PCDH19: variants seen among roughly 807,000 people sequenced by gnomAD.
PCDH19 encodes protocadherin 19, also known as protocadherin-19.
A neutral mutation model predicts 46.2 loss-of-function variants in PCDH19; 6 were observed. The ratio of observed to expected loss-of-function variants is 0.13; its 90% CI spans 0.07 to 0.26. The LOEUF (loss-of-function observed/expected upper bound fraction) is 0.26, where lower values mean the gene tolerates loss of function less well. Among genes scored for constraint, PCDH19 ranks in the 10% least tolerant of loss-of-function variants. The probability of loss-of-function intolerance (pLI) is 1.00; values close to 1 mark genes in which losing one functional copy is unlikely to be tolerated. For missense variants in PCDH19, 740 were observed against 972.3 expected (o/e 0.76, Z 3.18); for synonymous variants, 481 against 415.7 (o/e 1.16, Z -1.91).
intron 3 of PCDH19, among the ~76,000 whole-genome samples, chrX:100,383,443 A>G (rs1331275857): frequency 8.9e-6 from 1 of 112,371 alleles, no homozygotes; most frequent in Admixed American, 9.5e-5. Flanking sequence ...GAGCTCTCGT[A>G]TGTACTCTGC....
At chrX:100,387,080 T>G (rs1484808505) in intron 3 of PCDH19, among the ~76,000 whole-genome samples, 4 of 111,632 alleles carry the variant, frequency 3.6e-5, no homozygotes, top group Non-Finnish European at 7.5e-5. Flanking sequence ...GAATTTTCTT[T>G]ACAATATCTA....
chrX:100,353,121 A>G (rs1218028967), intron 3 of PCDH19, among the ~76,000 whole-genome samples: 1 of 111,957 alleles, frequency 8.9e-6, no homozygotes, highest in Admixed American at 9.5e-5. Context: ...TTTATACAGA[A>G]CCTGCAACTA....
At position 100,291,657 on chromosome X, in the gene PCDH19, A is replaced by G. The variant is rs993933941; in HGVS notation, c.*4620T>C. ...CCAAACACTCAATACTTTTTCCATA[A>G]TAGCCTTTAATACTAAAATGCATTA... On this transcript the variant is annotated 3_prime_UTR_variant, in exon 6 of 6. Coordinates refer to ENST00000373034, the MANE Select transcript of PCDH19 (RefSeq NM_001184880.2). The G allele has an allele frequency of 8.9e-6, 1 of 112,689 alleles. No homozygotes were observed. Among genetic ancestry groups the G allele is most frequent in the African/African-American group, 3.2e-5 (1 of 30,920 alleles). 9.3% of individuals were successfully genotyped at this position (112,689 alleles called of 1,213,427 possible).
At position 100,402,406 on chromosome X, in the gene PCDH19, A is replaced by G. The variant is rs1363024992; in HGVS notation, c.2616+118T>C. The G allele has an allele frequency of 4.8e-6, 3 of 621,458 alleles. No homozygotes were observed. In the African/African-American group the frequency reaches 6.6e-5, roughly 14 times the overall value. 51.2% of individuals were successfully genotyped at this position (621,458 alleles called of 1,213,427 possible). On this transcript the variant is annotated intron_variant, in intron 3 of 5. Coordinates refer to ENST00000373034, the MANE Select transcript of PCDH19 (RefSeq NM_001184880.2). ...CCTTAGTATGAAAATGGGCATAAGC[A>G]GAGAAATTCTCCCCACCCCTGCCAG... is the stretch of plus-strand genomic sequence containing the variant.
intron 3 of PCDH19, among the ~76,000 whole-genome samples, chrX:100,382,211 A>G (rs1927574650): frequency 9.0e-6 from 1 of 111,280 alleles, no homozygotes; most frequent in African/African-American, 3.3e-5. Context: ...CAGATAACCA[A>G]GCTTTTGTTC....
intron 5 of PCDH19, among the ~76,000 whole-genome samples, chrX:100,337,490 G>A (rs1373819207): frequency 1.8e-5 from 2 of 112,366 alleles, no homozygotes; most frequent in African/African-American, 3.2e-5. Context: ...AAACTGAAAC[G>A]TATTAATTCA....
At chrX:100,368,627 CAACT>C (rs1246192883) in intron 3 of PCDH19, among the ~76,000 whole-genome samples, 3 of 111,366 alleles carry the variant, frequency 2.7e-5, no homozygotes, top group East Asian at 2.8e-4. Flanking sequence ...TGTCTCTCAC[CAACT>C]AACTGTGTGC....
intron 5 of PCDH19, among the ~76,000 whole-genome samples, chrX:100,315,307 C>G (rs1162286766): frequency 8.9e-6 from 1 of 112,263 alleles, no homozygotes; most frequent in Admixed American, 9.4e-5. Context: ...TTAACATGTA[C>G]TATAAAAGAA....
At chrX:100,310,705 A>G (rs1031201937) in intron 5 of PCDH19, among the ~76,000 whole-genome samples, 2 of 109,869 alleles carry the variant, frequency 1.8e-5, no homozygotes, top group African/African-American at 6.6e-5. Flanking sequence ...TTAGTGGGAT[A>G]CCTACAACAT....
At chrX:100,379,567 G>A (rs1283995445) in intron 3 of PCDH19, among the ~76,000 whole-genome samples, 2 of 111,934 alleles carry the variant, frequency 1.8e-5, no homozygotes, top group East Asian at 2.8e-4. Context: ...CTTTTGATGC[G>A]TCTATACGCC....
intron 5 of PCDH19, among the ~76,000 whole-genome samples, chrX:100,327,822 C>T (rs775841025): frequency 9.0e-6 from 1 of 111,731 alleles, no homozygotes; most frequent in Admixed American, 9.5e-5. Context: ...TTGTCTCTCC[C>T]TTTCAGTGTT....
rs1177957771 is a variant in PCDH19 at position 100,348,065 on chromosome X, CAA to C, written c.2675+2579_2675+2580del. Among the ~76,000 whole-genome samples, 135 of 40,597 alleles carry C rather than the reference CAA, an allele frequency of 3.3e-3. 1 individual carries two copies. In the East Asian group the frequency reaches 0.038, roughly 11 times the overall value. The allele number at this position is 40,597 out of a possible 115,157, so 35.3% of individuals were successfully genotyped here. On this transcript the variant is annotated intron_variant, in intron 4 of 5. Coordinates refer to ENST00000373034, the MANE Select transcript of PCDH19 (RefSeq NM_001184880.2). Reference sequence around the variant, plus strand: ...TAGGTGACAGAGCAAGATTCCGTCTCAAAAAAAAAAAAAAAAAAAAAGAAAGA... The same window carrying C: ...TAGGTGACAGAGCAAGATTCCGTCTCAAAAAAAAAAAAAAAAAAAGAAAGA...
chrX:100,363,729 T>G (rs1013224754), intron 3 of PCDH19, among the ~76,000 whole-genome samples: 2 of 85,329 alleles, frequency 2.3e-5, no homozygotes, highest in Non-Finnish European at 4.8e-5. Context: ...ATATATTTAT[T>G]TTATATATAT....
intron 5 of PCDH19, among the ~76,000 whole-genome samples, chrX:100,315,185 T>C (rs1176967466): frequency 8.9e-6 from 1 of 112,305 alleles, no homozygotes; most frequent in Non-Finnish European, 1.9e-5. Context: ...TAGTAGGGTA[T>C]GTTATCAGCA....
Position 100,291,960 on chromosome X carries a change from T to G in PCDH19, c.*4317A>C, listed in dbSNP as rs1924437177. ...ACAGAGACTGCTTAATGAGACATAC[T>G]GTACTTGCATCCCTCTAAATTTCCA... On this transcript the variant is annotated 3_prime_UTR_variant, in exon 6 of 6. Transcript: ENST00000373034. 1 of 113,453 alleles carries G rather than the reference T, an allele frequency of 8.8e-6. No individual in the cohort carries two copies. Among genetic ancestry groups the G allele is most frequent in the African/African-American group, 3.2e-5 (1 of 31,171 alleles). The allele number at this position is 113,453 out of a possible 1,213,427, so 9.3% of individuals were successfully genotyped here.
chrX:100,311,936 A>G (rs1399087817), intron 5 of PCDH19, among the ~76,000 whole-genome samples: 1 of 111,383 alleles, frequency 9.0e-6, no homozygotes, highest in Non-Finnish European at 1.9e-5. Context: ...AAAAAAATGC[A>G]TTTCAAATAT....
chrX:100,377,784 C>T (rs1051960762), intron 3 of PCDH19, among the ~76,000 whole-genome samples: 9 of 111,984 alleles, frequency 8.0e-5, no homozygotes, highest in African/African-American at 9.7e-5. Flanking sequence ...ATACTCTACA[C>T]GTTGTGGAGA....
At chrX:100,384,146 T>G (rs770666026) in intron 3 of PCDH19, among the ~76,000 whole-genome samples, 2 of 111,965 alleles carry the variant, frequency 1.8e-5, no homozygotes, top group Admixed American at 9.5e-5. Context: ...GTCTCTTTGT[T>G]GGTAGAAAGT....
rs1046672988 is a variant in PCDH19 at position 100,409,476 on chromosome X, G to A, written c.-879C>T. ...AGGGTCTGCGGGCGTTTTCGTCTAGGAAATCAAAGTTAACAACGCAGTCCG... is the reference window on the plus strand; with the variant it reads ...AGGGTCTGCGGGCGTTTTCGTCTAGAAAATCAAAGTTAACAACGCAGTCCG... On this transcript the variant is annotated 5_prime_UTR_variant, in exon 1 of 6. Transcript: ENST00000373034. The A allele has an allele frequency of 8.5e-6, 1 of 117,192 alleles. No homozygotes were observed. The highest frequency in any genetic ancestry group is 3.2e-5 in the African/African-American group (1 of 30,941). The allele number at this position is 117,192 out of a possible 1,213,427, so 9.7% of individuals were successfully genotyped here.
Sources: gnomAD v4.1 joint callset for allele counts (sites outside exome capture counted in the v4.1 genomes callset) on GRCh38, gnomAD v4.1.1 for gene constraint, MANE v1.5 for transcripts, NCBI Gene and HGNC (gene_info 2026-07-23, HGNC 2026-07-21) for gene names.